The following PRDM16 variants were observed in gnomAD, a reference collection of about 807,000 sequenced individuals.
PRDM16 encodes the protein PR/SET domain 16.
A neutral mutation model predicts 110.6 loss-of-function variants in PRDM16; 23 were observed. The observed-to-expected ratio is 0.21, with a 90% CI of 0.15 to 0.29. The LOEUF is 0.29. PRDM16 is among the 10% of genes least tolerant of loss of function. The pLI is 1.00. For missense variants in PRDM16, 1,615 were observed against 1,794.3 expected (o/e 0.90, Z 1.81); for synonymous variants, 799 against 781.8 (o/e 1.02, Z -0.37).
chr1:3,069,232 G>A lies in PRDM16; in HGVS notation c.-28G>A, dbSNP rs1337540189. On this transcript the variant is annotated 5_prime_UTR_variant, in exon 1 of 17. Coordinates refer to ENST00000270722, the MANE Select transcript of PRDM16 (RefSeq NM_022114.4). This position sits in a 1 kb window ranked among gnomAD's most constrained non-coding sequence, Gnocchi z 6.1. ...TGTGGCTGCTTCTGGACTCAAGGAG[G>A]AGGAGAGAGATTCCGCGAGCCGACA... The A allele has an allele frequency of 3.8e-6, 6 of 1,579,070 alleles. No homozygotes were observed. The highest frequency in any genetic ancestry group is 3.5e-5 in the Admixed American group (2 of 56,446).
intron 1 of PRDM16, among the ~76,000 whole-genome samples, chr1:3,105,446 C>T (rs971574557): frequency 5.3e-5 from 8 of 152,340 alleles, no homozygotes; most frequent in East Asian, 1.9e-4. Flanking sequence ...CAGGCTCTTC[C>T]GGAGCGCAGC....
intron 1 of PRDM16, among the ~76,000 whole-genome samples, chr1:3,085,441 G>T (rs879859782): frequency 6.6e-6 from 1 of 152,192 alleles, no homozygotes; most frequent in Admixed American, 6.5e-5. Flanking sequence ...GCCCCCCAGG[G>T]CTCCCCATTC....
chr1:3,269,542 C>G (rs1317129698), intron 3 of PRDM16, among the ~76,000 whole-genome samples: 18 of 135,206 alleles, frequency 1.3e-4, no homozygotes, highest in African/African-American at 1.7e-4. Context: ...GGGAGGAGCA[C>G]AGTCCTGGAA....
intron 7 of PRDM16, 122 bp downstream of exon 7, chr1:3,405,008 G>A: frequency 3.6e-6 from 4 of 1,115,072 alleles, no homozygotes; most frequent in Non-Finnish European, 5.0e-6. Context: ...GAGTGGGTAG[G>A]AGGCCCCTGC....
chr1:3,094,405 A>C (rs734374), intron 1 of PRDM16, among the ~76,000 whole-genome samples: 51,585 of 152,144 alleles, frequency 0.34, 9,048 homozygotes, highest in East Asian at 0.53. Context: ...CCCAAGGTCA[A>C]TGCTGGCCCG....
At chr1:3,140,160 T>C (rs1483744966) in intron 1 of PRDM16, among the ~76,000 whole-genome samples, 1 of 152,240 alleles carries the variant, frequency 6.6e-6, no homozygotes, top group Admixed American at 6.5e-5. Context: ...GCACCCGAAG[T>C]GGTCCCCGCT....
chr1:3,341,493 G>C (rs899943298), intron 3 of PRDM16, among the ~76,000 whole-genome samples: 63 of 152,284 alleles, frequency 4.1e-4, no homozygotes, highest in African/African-American at 1.5e-3. Context: ...TGTCCGGCCA[G>C]CCTGGCTAGC....
chr1:3,329,743 C>A (rs995178197), intron 3 of PRDM16, among the ~76,000 whole-genome samples: 2 of 152,238 alleles, frequency 1.3e-5, no homozygotes, highest in Non-Finnish European at 2.9e-5. Context: ...GGAGAGTGGG[C>A]AGGGGCACCC....
At chr1:3,140,396 C>T (rs908610288) in intron 1 of PRDM16, among the ~76,000 whole-genome samples, 1 of 152,138 alleles carries the variant, frequency 6.6e-6, no homozygotes, top group Admixed American at 6.5e-5. Flanking sequence ...GCGCAGAGGC[C>T]TTGACGGGGC....
At chr1:3,159,985 G>A (rs1307396383) in intron 1 of PRDM16, among the ~76,000 whole-genome samples, 5 of 152,180 alleles carry the variant, frequency 3.3e-5, no homozygotes, top group South Asian at 2.1e-4. Context: ...ATCATCCACC[G>A]CGTATCTGAA....
intron 1 of PRDM16, among the ~76,000 whole-genome samples, chr1:3,082,490 G>C (rs144705971): frequency 6.6e-6 from 1 of 152,348 alleles, no homozygotes; most frequent in South Asian, 2.1e-4. Flanking sequence ...GAGCCCCTGA[G>C]CTGGGCTGAA....
At chr1:3,112,500 T>C (rs1347586061) in intron 1 of PRDM16, among the ~76,000 whole-genome samples, 2 of 152,238 alleles carry the variant, frequency 1.3e-5, no homozygotes, top group Non-Finnish European at 2.9e-5. Context: ...GAAGGCTCTG[T>C]GTTCCCGGGC....
chr1:3,124,235 G>C (rs1056277048), intron 1 of PRDM16, among the ~76,000 whole-genome samples: 5 of 152,202 alleles, frequency 3.3e-5, no homozygotes, highest in African/African-American at 1.2e-4. Context: ...CCCTGAGCTG[G>C]AGGCCGGCAG....
At chr1:3,094,807 AG>A (rs1292154162) in intron 1 of PRDM16, among the ~76,000 whole-genome samples, 1 of 151,868 alleles carries the variant, frequency 6.6e-6, no homozygotes, top group East Asian at 1.9e-4. Flanking sequence ...GCAGCCAGGG[AG>A]GTGGGGCCTT....
intron 3 of PRDM16, among the ~76,000 whole-genome samples, chr1:3,367,240 G>C (rs2100570886): frequency 6.6e-6 from 1 of 152,112 alleles, no homozygotes; most frequent in East Asian, 1.9e-4. Context: ...TTGCACTCCA[G>C]CCTGGCCTGG....
chr1:3,134,759 A>G (rs1643402529), intron 1 of PRDM16, among the ~76,000 whole-genome samples: 1 of 152,274 alleles, frequency 6.6e-6, no homozygotes, highest in African/African-American at 2.4e-5. Flanking sequence ...CCAAGACATT[A>G]GCTGGTCAAA....
chr1:3,091,075 G>C (rs1376831063), intron 1 of PRDM16, among the ~76,000 whole-genome samples: 1 of 152,224 alleles, frequency 6.6e-6, no homozygotes, highest in Non-Finnish European at 1.5e-5. Context: ...AGCTCTGGAC[G>C]GGGCTTCTTC....
chr1:3,123,602 G>GCA (rs1643142507), intron 1 of PRDM16, among the ~76,000 whole-genome samples: 1 of 152,250 alleles, frequency 6.6e-6, no homozygotes, highest in African/African-American at 2.4e-5. Context: ...AGCAGGTGCT[G>GCA]CTGGAACTGG....
intron 2 of PRDM16, among the ~76,000 whole-genome samples, chr1:3,189,566 T>C (rs1322071684): frequency 6.6e-6 from 1 of 152,268 alleles, no homozygotes; most frequent in Non-Finnish European, 1.5e-5. Context: ...GGTAATTAAG[T>C]GTTATGAATC....
Sources: allele counts gnomAD v4.1 joint callset (sites outside exome capture counted in the v4.1 genomes callset), GRCh38; gene constraint gnomAD v4.1.1; non-coding constraint Gnocchi (gnomAD v3.1); transcripts MANE v1.5; gene names NCBI Gene and HGNC (gene_info 2026-07-23, HGNC 2026-07-21).